Variants in PTK2 observed in about 807,000 individuals in gnomAD.
PTK2 encodes protein tyrosine kinase 2, also known as focal adhesion kinase 1.
Under a neutral mutation model 150.1 loss-of-function variants are expected in PTK2, and 45 were observed. The observed-to-expected ratio is 0.30, with a 90% CI of 0.24 to 0.38. The LOEUF is 0.38. Among genes scored for constraint, PTK2 ranks in the 10% least tolerant of loss-of-function variants. PTK2 has a pLI of 1.00. For synonymous variants in PTK2, 432 were observed against 449.2 expected, an observed-to-expected ratio of 0.96 and a Z score of 0.48; for missense variants, 919 against 1,307.3, an observed-to-expected ratio of 0.70 and a Z score of 4.58.
exon 12 of PTK2, chr8:140,800,498 T>C: frequency 6.2e-7 from 1 of 1,613,858 alleles, no homozygotes; most frequent in Non-Finnish European, 8.5e-7. Context: ...GAGGTTCCAT[T>C]CACCAGCCGG....
chr8:140,805,550 C>CAAA (rs59135954), intron 10 of PTK2, among the ~76,000 whole-genome samples: 1 of 82,248 alleles, frequency 1.2e-5, no homozygotes, highest in Non-Finnish European at 2.5e-5. Context: ...AACTCTGTCT[C>CAAA]AAAAAAAAAA....
At chr8:140,801,512 T>C (rs1443363813) in intron 11 of PTK2, among the ~76,000 whole-genome samples, 1 of 152,226 alleles carries the variant, frequency 6.6e-6, no homozygotes, top group Non-Finnish European at 1.5e-5. Flanking sequence ...AATTACTTGA[T>C]GTGGCCAACC....
At chr8:140,967,355 C>G (rs1394353311) in intron 1 of PTK2, among the ~76,000 whole-genome samples, 2 of 152,068 alleles carry the variant, frequency 1.3e-5, no homozygotes, top group African/African-American at 4.8e-5. Flanking sequence ...TATAAGTTAT[C>G]TGGCTGGAAT....
At chr8:140,990,306 C>T (rs761592245) in intron 1 of PTK2, among the ~76,000 whole-genome samples, 31 of 151,660 alleles carry the variant, frequency 2.0e-4, no homozygotes, top group Middle Eastern at 3.4e-3. Flanking sequence ...GTGATCATGG[C>T]TCACTGTAGA....
chr8:140,658,721 G>A (rs2075610927), exon 32 of PTK2: 1 of 218,488 alleles, frequency 4.6e-6, no homozygotes, highest in African/African-American at 2.2e-5. Context: ...GCAGTTTGGA[G>A]GTGCTCTGGT....
intron 1 of PTK2, among the ~76,000 whole-genome samples, chr8:140,962,878 C>G (rs112780434): frequency 9.9e-5 from 15 of 151,824 alleles, no homozygotes; most frequent in Admixed American, 3.9e-4. Flanking sequence ...GTAGGTCCCC[C>G]CCCCCAACCC....
In PTK2 at chr8:140,667,466, C is replaced by CT. The variant is rs869029677; in HGVS notation, c.2865+802dup. 6.2e-3 allele frequency among the ~76,000 whole-genome samples: 335 copies of CT among 54,176 alleles called. 1 individual carries two copies. Among genetic ancestry groups the CT allele is most frequent in the Middle Eastern group, 0.022 (2 of 92 alleles). 35.5% of individuals were successfully genotyped at this position (54,176 alleles called of 152,430 possible). A position where few individuals can be genotyped will look rare whatever the true frequency, so the allele number is the denominator to read the frequency against. On this transcript the variant is annotated intron_variant, in intron 30 of 31. Transcript: ENST00000522684. ...CCTCTTTCTTTCTCTCTCTCTCTCT[C>CT]TTTTTTTTTTTTTTTAAAGAGATGG... is the stretch of plus-strand genomic sequence containing the variant.
chr8:140,927,689 C>T (rs2100169982), intron 1 of PTK2, among the ~76,000 whole-genome samples: 1 of 152,002 alleles, frequency 6.6e-6, no homozygotes, highest in African/African-American at 2.4e-5. Context: ...GGCGAGGTGG[C>T]TCATGCCTGT....
At chr8:140,958,999 T>TC (rs1402839992) in intron 1 of PTK2, among the ~76,000 whole-genome samples, 2 of 152,206 alleles carry the variant, frequency 1.3e-5, no homozygotes, top group Admixed American at 6.5e-5. Context: ...TCCCCGTTGC[T>TC]CTACAATGTC....
intron 4 of PTK2, among the ~76,000 whole-genome samples, chr8:140,873,459 T>A (rs1295487112): frequency 8.3e-6 from 1 of 120,376 alleles, no homozygotes; most frequent in Non-Finnish European, 2.1e-5. Flanking sequence ...CTGAAGTGTC[T>A]GCAATTTTTT....
intron 14 of PTK2, among the ~76,000 whole-genome samples, chr8:140,775,847 G>C (rs2100078091): frequency 6.6e-6 from 1 of 152,124 alleles, no homozygotes; most frequent in Non-Finnish European, 1.5e-5. Flanking sequence ...CTGACATTTA[G>C]CTGCTTATTT....
chr8:140,813,277 T>G (rs1249858121), intron 10 of PTK2, among the ~76,000 whole-genome samples: 1 of 152,118 alleles, frequency 6.6e-6, no homozygotes, highest in African/African-American at 2.4e-5. Flanking sequence ...TGCTCCCGAA[T>G]GACTTTTGGG....
At chr8:140,976,893 C>G (rs1161916173) in intron 1 of PTK2, among the ~76,000 whole-genome samples, 2 of 152,022 alleles carry the variant, frequency 1.3e-5, no homozygotes, top group African/African-American at 4.8e-5. Context: ...TTTAAGACAA[C>G]ATTAATTTCA....
intron 23 of PTK2, among the ~76,000 whole-genome samples, chr8:140,717,357 A>C (rs540226459): frequency 6.6e-6 from 1 of 152,346 alleles, no homozygotes; most frequent in South Asian, 2.1e-4. Flanking sequence ...TTTTAAGATG[A>C]CATCTGTCCA....
intron 1 of PTK2, among the ~76,000 whole-genome samples, chr8:140,926,989 C>T (rs1245914604): frequency 6.6e-6 from 1 of 152,146 alleles, no homozygotes; most frequent in Non-Finnish European, 1.5e-5. Flanking sequence ...TTAGAAACTG[C>T]TGAGAGGTTA....
intron 1 of PTK2, among the ~76,000 whole-genome samples, chr8:140,953,328 A>G (rs2100180131): frequency 6.6e-6 from 1 of 152,218 alleles, no homozygotes; most frequent in Non-Finnish European, 1.5e-5. Context: ...ATAACATAAT[A>G]AAATAGAACA....
chr8:140,660,747 T>A (rs9324529), intron 31 of PTK2: 1 of 381,866 alleles, frequency 2.6e-6, no homozygotes, highest in South Asian at 2.0e-5. Context: ...CCCGCACACA[T>A]TAAGTCAGGG....
chr8:140,976,554 G>A (rs2100189321), intron 1 of PTK2, among the ~76,000 whole-genome samples: 1 of 152,216 alleles, frequency 6.6e-6, no homozygotes, highest in Admixed American at 6.5e-5. Context: ...TGCAGTCACA[G>A]CATGAACTCC....
At position 140,921,093 on chromosome 8, in the gene PTK2, A is replaced by G. The variant is rs572346064; in HGVS notation, c.-33+4568T>C. 5.3e-6 allele frequency: 7 copies of G among 1,309,044 alleles called. No homozygotes were observed. In the East Asian group the frequency reaches 2.2e-4, roughly 41 times the overall value. 81.1% of individuals were successfully genotyped at this position (1,309,044 alleles called of 1,614,324 possible). On this transcript the variant is annotated intron_variant, in intron 2 of 31. Transcript: ENST00000522684. ...TGTAATATTTTCCAGCAGCTTGAAG[A>G]ATGCCTCTCAGTTACAGAATCTTCT...
Sources: gnomAD v4.1 joint callset for allele counts (sites outside exome capture counted in the v4.1 genomes callset) on GRCh38, gnomAD v4.1.1 for gene constraint, MANE v1.5 for transcripts, NCBI Gene and HGNC (gene_info 2026-07-23, HGNC 2026-07-21) for gene names.